ATOSA: variants seen among roughly 807,000 people sequenced by gnomAD.
ATOSA encodes the protein atos homolog protein A.
chr15:52,594,344 C>G, the ATOSA span, among the ~76,000 whole-genome samples: 1 of 152,152 alleles, frequency 6.6e-6, no homozygotes. Flanking sequence ...CATCCCTCCC[C>G]CAAGGTCACT....
At chr15:52,629,347 ACAT>A in the ATOSA span, among the ~76,000 whole-genome samples, 1 of 152,124 alleles carries the variant, frequency 6.6e-6, no homozygotes, top group African/African-American at 2.4e-5. Context: ...CTACACTGAC[ACAT>A]CATAATCACT....
chr15:52,611,911 G>A, the ATOSA span: 5 of 764,928 alleles, frequency 6.5e-6, no homozygotes, highest in South Asian at 7.3e-5. Context: ...GCTCAGAATT[G>A]GCTATCTAGG....
At chr15:52,668,087 C>A in the ATOSA span, among the ~76,000 whole-genome samples, 5 of 152,306 alleles carry the variant, frequency 3.3e-5, 1 homozygote, top group South Asian at 4.1e-4. Flanking sequence ...ATGAAATCAG[C>A]ATGTTGAAGA....
the ATOSA span, among the ~76,000 whole-genome samples, chr15:52,637,981 T>G: frequency 1.3e-5 from 2 of 152,208 alleles, no homozygotes; most frequent in Non-Finnish European, 2.9e-5. Context: ...TTTCTTGTCT[T>G]TTTGTAATGC....
At chr15:52,619,801 A>C in the ATOSA span, among the ~76,000 whole-genome samples, 5 of 152,178 alleles carry the variant, frequency 3.3e-5, no homozygotes, top group South Asian at 1.0e-3. Flanking sequence ...ACTGCACTCC[A>C]GCCTGGGTGA....
the ATOSA span, among the ~76,000 whole-genome samples, chr15:52,618,330 C>A: frequency 2.0e-5 from 3 of 152,272 alleles, no homozygotes; most frequent in Admixed American, 6.5e-5. Flanking sequence ...TGTGCCACTG[C>A]GCCTGGCCCA....
At chr15:52,601,052 T>C in the ATOSA span, 1 of 1,365,184 alleles carries the variant, frequency 7.3e-7, no homozygotes. Flanking sequence ...TGAAATTCTG[T>C]TTGAAACACA....
At chr15:52,594,812 G>A in the ATOSA span, among the ~76,000 whole-genome samples, 4 of 152,104 alleles carry the variant, frequency 2.6e-5, no homozygotes, top group Non-Finnish European at 4.4e-5. Flanking sequence ...TCCATCTGTA[G>A]TGTATCCTCT....
the ATOSA span, among the ~76,000 whole-genome samples, chr15:52,643,141 C>G: frequency 6.6e-6 from 1 of 152,136 alleles, no homozygotes; most frequent in Non-Finnish European, 1.5e-5. Flanking sequence ...CTTATAAAGA[C>G]GTACCATGAA....
the ATOSA span, among the ~76,000 whole-genome samples, chr15:52,629,259 C>A: frequency 2.0e-5 from 3 of 151,900 alleles, no homozygotes; most frequent in South Asian, 6.3e-4. Flanking sequence ...GAGATTATAC[C>A]CCCTCCCCAA....
At chr15:52,702,677 C>G in the ATOSA span, among the ~76,000 whole-genome samples, 4 of 148,712 alleles carry the variant, frequency 2.7e-5, no homozygotes, top group Admixed American at 2.8e-4. Flanking sequence ...ACCTGGATGA[C>G]AGGATCAACT....
chr15:52,675,129 A>T, the ATOSA span, among the ~76,000 whole-genome samples: 8 of 152,306 alleles, frequency 5.3e-5, no homozygotes, highest in East Asian at 1.3e-3. Context: ...GTGTTACCCA[A>T]GTAATGTTAT....
the ATOSA span, among the ~76,000 whole-genome samples, chr15:52,655,392 T>C: frequency 1.6e-4 from 25 of 152,224 alleles, no homozygotes; most frequent in African/African-American, 6.0e-4. Flanking sequence ...TTTGTAGCTG[T>C]AGTGTGATCA....
At chr15:52,609,910 G>C in the ATOSA span, 3 of 1,611,032 alleles carry the variant, frequency 1.9e-6, no homozygotes, top group African/African-American at 2.7e-5. Context: ...TGATTTTAAA[G>C]TTCTCACTGA....
At chr15:52,694,920 GT>G in the ATOSA span, among the ~76,000 whole-genome samples, 1 of 130,438 alleles carries the variant, frequency 7.7e-6, no homozygotes, top group African/African-American at 2.9e-5. Flanking sequence ...TTTTTTTTCT[GT>G]TTTTTTTTGT....
chr15:52,600,283 T>C, the ATOSA span: 2 of 1,203,462 alleles, frequency 1.7e-6, no homozygotes, highest in South Asian at 2.6e-5. Context: ...CACAATACTT[T>C]TTTTTTTAAT....
the ATOSA span, among the ~76,000 whole-genome samples, chr15:52,604,284 T>C: frequency 2.0e-5 from 3 of 152,192 alleles, no homozygotes; most frequent in African/African-American, 7.2e-5. Context: ...ACAAAATCCA[T>C]TTGGAATTTT....
the ATOSA span, among the ~76,000 whole-genome samples, chr15:52,685,842 G>C: frequency 6.6e-6 from 1 of 152,118 alleles, no homozygotes; most frequent in African/African-American, 2.4e-5. Context: ...GGAGTAGGTA[G>C]GCCTACAGCC....
At chr15:52,587,278 AAATAAG>A in the ATOSA span, 6 of 1,357,534 alleles carry the variant, frequency 4.4e-6, no homozygotes, top group South Asian at 1.3e-5. Context: ...TAAAAGACTA[AAATAAG>A]AATAACTCAT....
Sources: gnomAD v4.1 joint callset for allele counts (sites outside exome capture counted in the v4.1 genomes callset) on GRCh38, gnomAD v4.1.1 for gene constraint, MANE v1.5 for transcripts, NCBI Gene and HGNC (gene_info 2026-07-23, HGNC 2026-07-21) for gene names.